Variants in COL4A1 observed in about 807,000 individuals in gnomAD.
COL4A1 encodes collagen alpha-1(IV) chain.
A neutral mutation model predicts 216.6 loss-of-function variants in COL4A1; 40 were observed. The ratio of observed to expected loss-of-function variants is 0.18; its 90% CI spans 0.14 to 0.24. The LOEUF (loss-of-function observed/expected upper bound fraction) is 0.24, where lower values mean the gene tolerates loss of function less well. Ranked by LOEUF, COL4A1 falls within the 10% of genes least tolerant of loss-of-function variation. The pLI is 1.00. For missense variants in COL4A1, 1,628 were observed against 2,196.8 expected, an observed-to-expected ratio of 0.74 and a Z score of 5.18; for synonymous variants, 839 against 810.7, an observed-to-expected ratio of 1.03 and a Z score of -0.59.
At chr13:110,221,128 G>T (rs188102465) in intron 2 of COL4A1, among the ~76,000 whole-genome samples, 163 of 152,314 alleles carry the variant, frequency 1.1e-3, no homozygotes, top group Non-Finnish European at 1.6e-3. Context: ...CTAGGCTCAA[G>T]TATTCTAATA....
At chr13:110,154,581 G>C (rs905988376) in intron 50 of COL4A1, among the ~76,000 whole-genome samples, 1 of 152,280 alleles carries the variant, frequency 6.6e-6, no homozygotes, top group African/African-American at 2.4e-5. Flanking sequence ...TCCATGTAAA[G>C]AGGCTGGTCA....
intron 1 of COL4A1, among the ~76,000 whole-genome samples, chr13:110,260,215 G>C (rs929246118): frequency 1.3e-5 from 2 of 152,150 alleles, no homozygotes; most frequent in Non-Finnish European, 1.5e-5. Flanking sequence ...GAAGACAAAG[G>C]AAGAGCAAAG....
At position 110,306,968 on chromosome 13, in the gene COL4A1, C is replaced by T. The variant is rs930263214; in HGVS notation, c.60G>A (p.Glu20=). The T allele has an allele frequency of 1.4e-6, 2 of 1,475,782 alleles. No individual in the cohort carries two copies. The highest frequency in any genetic ancestry group is 1.3e-5 in the South Asian group (1 of 77,782). The allele number at this position is 1,475,782 out of a possible 1,614,324, so 91.4% of individuals were successfully genotyped here. ...LLLPAALLLH[E]EHSRAAAKGG... Reference sequence around the variant, plus strand: ...CCTTCGCAGCGGCCCGGCTGTGCTCCTCGTGGAGCAGAAGGGCGGCGGGCA... The same window carrying T: ...CCTTCGCAGCGGCCCGGCTGTGCTCTTCGTGGAGCAGAAGGGCGGCGGGCA... Residue 20 remains glutamate, a synonymous_variant, in exon 1 of 52, where the codon GAG becomes GAA. Transcript: ENST00000375820.
chr13:110,248,684 G>A (rs1303400533), intron 1 of COL4A1, among the ~76,000 whole-genome samples: 3 of 152,130 alleles, frequency 2.0e-5, no homozygotes, highest in African/African-American at 4.8e-5. Flanking sequence ...AGTAGAGATG[G>A]GATTTCGCCA....
chr13:110,248,543 G>A (rs1171115156), intron 1 of COL4A1, among the ~76,000 whole-genome samples: 2 of 151,886 alleles, frequency 1.3e-5, no homozygotes, highest in Non-Finnish European at 3.0e-5. Flanking sequence ...GCAGGCTGGA[G>A]TGCACTGGCG....
chr13:110,266,053 C>G (rs937651077), intron 1 of COL4A1: 1 of 152,162 alleles, frequency 6.6e-6, no homozygotes. Context: ...GGTCCCCAGA[C>G]GCAGATACAG....
rs189993047 is a variant in COL4A1, at chr13:110,252,477, T to A, written c.85-9743A>T. Among the ~76,000 whole-genome samples the A allele has an allele frequency of 4.7e-4, 37 of 79,114 alleles. 4 individuals are homozygous for A. The highest frequency in any genetic ancestry group is 7.7e-4 in the Non-Finnish European group (30 of 39,160). 51.9% of individuals were successfully genotyped at this position (79,114 alleles called of 152,430 possible). A position where few individuals can be genotyped will look rare whatever the true frequency, so the allele number is the denominator to read the frequency against. On this transcript the variant is annotated intron_variant, in intron 1 of 51. Transcript: ENST00000375820. ...TATTATATACATATAATTATATGTA[T>A]TATATATACGTATAATTATACGTAT...
At position 110,173,326 on chromosome 13, in the gene COL4A1, G is replaced by C. The variant is rs544680644; in HGVS notation, c.3506-556C>G. On this transcript the variant is annotated intron_variant, in intron 40 of 51. Coordinates refer to ENST00000375820, the MANE Select transcript of COL4A1 (RefSeq NM_001845.6). Reference sequence around the variant, plus strand: ...ACCAATAGCTGTGGATGCTCTTGGTGGTCCTCCCAGTGTCCCCCCAAGTCA... The same window carrying C: ...ACCAATAGCTGTGGATGCTCTTGGTCGTCCTCCCAGTGTCCCCCCAAGTCA... Among the ~76,000 whole-genome samples the C allele has an allele frequency of 2.6e-5, 4 of 152,156 alleles. No homozygotes were observed. The East Asian group carries it at 7.7e-4, about 29-fold the overall frequency.
rs886049962 is a variant in COL4A1, at chr13:110,207,417, T to C, written c.766A>G (p.Thr256Ala). 1.2e-6 allele frequency: 2 copies of C among 1,613,982 alleles called. No homozygotes were observed. Among genetic ancestry groups the C allele is most frequent in the Non-Finnish European group, 1.7e-6 (2 of 1,179,868 alleles). ...AQVQEKGDFA[T>A]KGEKGQKGEP... ...CCCACTCATACCTTTTCTCCCTTGGTGGCGAAGTCTCCTTTTTCTTGAACT... is the reference window on the plus strand; with the variant it reads ...CCCACTCATACCTTTTCTCCCTTGGCGGCGAAGTCTCCTTTTTCTTGAACT... Residue 256 changes from threonine (T) to alanine (A), a missense_variant, in exon 13 of 52, where the codon ACC becomes GCC. Around this residue, in one of 8 missense-constraint regions of COL4A1, gnomAD observed 23 missense variants for 66.0 expected, o/e 0.35. Coordinates refer to ENST00000375820, the MANE Select transcript of COL4A1 (RefSeq NM_001845.6). This position sits in a 1 kb window ranked among gnomAD's most constrained non-coding sequence, Gnocchi z 4.4.
At chr13:110,193,902 G>T (rs137878242) in intron 22 of COL4A1, among the ~76,000 whole-genome samples, 1 of 152,186 alleles carries the variant, frequency 6.6e-6, no homozygotes, top group Non-Finnish European at 1.5e-5. Flanking sequence ...GTGTCTGTTC[G>T]CAAGGCTTCA....
In COL4A1 at chr13:110,223,682, C is replaced by T. The variant is rs374936104; in HGVS notation, c.145-9667G>A. On this transcript the variant is annotated intron_variant, in intron 2 of 51. Coordinates refer to ENST00000375820, the MANE Select transcript of COL4A1 (RefSeq NM_001845.6). ...GCAATCAGAGGCCAAAATCAGCCAC[C>T]GAAGCTAGGTGTTGGCACAGCAGGA... Among the ~76,000 whole-genome samples the T allele has an allele frequency of 9.8e-5, 15 of 152,294 alleles. No homozygotes were observed. In the South Asian group the frequency reaches 2.7e-3, roughly 27 times the overall value.
chr13:110,287,076 G>T (rs1033735180), intron 1 of COL4A1, among the ~76,000 whole-genome samples: 77 of 152,152 alleles, frequency 5.1e-4, no homozygotes, highest in Admixed American at 2.0e-3. Context: ...TCACACAGAG[G>T]CCACCCACCT....
intron 1 of COL4A1, among the ~76,000 whole-genome samples, chr13:110,247,724 GCTCA>G (rs1346177764): frequency 6.6e-6 from 1 of 150,864 alleles, no homozygotes; most frequent in Non-Finnish European, 1.5e-5. Flanking sequence ...AAAGAGGAAA[GCTCA>G]CTCATTCTGT....
chr13:110,181,430 A>G, intron 28 of COL4A1, 41 bp from the exon 29 acceptor site: 3 of 1,527,502 alleles, frequency 2.0e-6, no homozygotes, highest in South Asian at 1.2e-5. Context: ...ACAAACAATC[A>G]TTGCGATTAC....
At chr13:110,262,569 A>G (rs1332425734) in intron 1 of COL4A1, among the ~76,000 whole-genome samples, 2 of 152,158 alleles carry the variant, frequency 1.3e-5, no homozygotes, top group Non-Finnish European at 2.9e-5. Flanking sequence ...AAATCTCACA[A>G]AGATCAACAA....
At chr13:110,272,088 T>G (rs1883264837) in intron 1 of COL4A1, among the ~76,000 whole-genome samples, 1 of 152,236 alleles carries the variant, frequency 6.6e-6, no homozygotes, top group African/African-American at 2.4e-5. Flanking sequence ...GCCAGAAATT[T>G]CTGGTCATAG....
rs953451076 is a variant in COL4A1 at position 110,211,850 on chromosome 13, C to T, written c.441+19G>A. 5 of 1,613,644 alleles carry T rather than the reference C, an allele frequency of 3.1e-6. No individual in the cohort carries two copies. The Admixed American group carries it at 8.3e-5, about 27-fold the overall frequency. ...ATAACTAAAAGAAAGAAGTTCTGCC[C>T]TAAATAACCTCTACTCACGGGATTT... On this transcript the variant is annotated intron_variant, in intron 7 of 51. Transcript: ENST00000375820. This position sits in a 1 kb window ranked among gnomAD's most constrained non-coding sequence, Gnocchi z 4.3.
At position 110,207,344 on chromosome 13, in the gene COL4A1, T is replaced by C. The variant is rs1007237340; in HGVS notation, c.780+59A>G. ...TGAGTTTTGACCCATTTTCTCTTTA[T>C]CTTTTGGAATTTGTCCAAAATTAGA... is the stretch of plus-strand genomic sequence containing the variant. On this transcript the variant is annotated intron_variant, in intron 13 of 51. Coordinates refer to ENST00000375820, the MANE Select transcript of COL4A1 (RefSeq NM_001845.6). The surrounding 1 kb of genome is among the most constrained non-coding windows in gnomAD (Gnocchi z 4.4). 28 of 1,451,016 alleles carry C rather than the reference T, an allele frequency of 1.9e-5. No homozygotes were observed. Among genetic ancestry groups the C allele is most frequent in the Non-Finnish European group, 2.4e-5 (25 of 1,031,012 alleles). 89.9% of individuals were successfully genotyped at this position (1,451,016 alleles called of 1,614,324 possible).
intron 24 of COL4A1, among the ~76,000 whole-genome samples, chr13:110,187,678 C>G (rs1378364858): frequency 6.6e-6 from 1 of 152,178 alleles, no homozygotes; most frequent in Non-Finnish European, 1.5e-5. Context: ...CAGCACCTGT[C>G]AGAAGGTTCT....
Sources: allele counts gnomAD v4.1 joint callset (sites outside exome capture counted in the v4.1 genomes callset), GRCh38; gene constraint gnomAD v4.1.1; regional missense constraint gnomAD v4.1.1; non-coding constraint Gnocchi (gnomAD v3.1); transcripts MANE v1.5; gene names NCBI Gene and HGNC (gene_info 2026-07-23, HGNC 2026-07-21).